Variants in FBXL7 observed in about 807,000 individuals in gnomAD.
FBXL7 encodes the protein F-box/LRR-repeat protein 7.
FBXL7 carries 12 observed loss-of-function variants against 38.3 expected under a neutral mutation model. The ratio of observed to expected loss-of-function variants is 0.31; its 90% confidence interval spans 0.20 to 0.51. FBXL7 has a LOEUF of 0.51. FBXL7 is among the 20% of genes least tolerant of loss of function. FBXL7 has a pLI of 0.98. For missense variants in FBXL7, 567 were observed against 676.4 expected (o/e 0.84, Z 1.79); for synonymous variants, 297 against 300.9 (o/e 0.99, Z 0.13).
chr5:15,569,998 T>G (rs1192008766), intron 1 of FBXL7, among the ~76,000 whole-genome samples: 1 of 152,192 alleles, frequency 6.6e-6, no homozygotes, highest in Non-Finnish European at 1.5e-5. Context: ...TTGCCAGTAT[T>G]TTATTGAGGA....
intron 2 of FBXL7, among the ~76,000 whole-genome samples, chr5:15,698,267 C>G (rs1276258661): frequency 1.3e-5 from 2 of 152,132 alleles, no homozygotes; most frequent in Non-Finnish European, 2.9e-5. Flanking sequence ...GGTACACATC[C>G]CATCCCAGTA....
chr5:15,764,453 G>A (rs1473889794), intron 2 of FBXL7, among the ~76,000 whole-genome samples: 1 of 152,156 alleles, frequency 6.6e-6, no homozygotes, highest in East Asian at 1.9e-4. Flanking sequence ...GCAGACAGGT[G>A]TAAAGAAGTA....
chr5:15,798,738 G>C (rs1038241858), intron 2 of FBXL7, among the ~76,000 whole-genome samples: 1 of 152,190 alleles, frequency 6.6e-6, no homozygotes, highest in East Asian at 1.9e-4. Context: ...ACAGTGACCT[G>C]AACAAATGCT....
intron 1 of FBXL7, among the ~76,000 whole-genome samples, chr5:15,609,626 G>A (rs1740156760): frequency 6.6e-6 from 1 of 152,158 alleles, no homozygotes; most frequent in Non-Finnish European, 1.5e-5. Context: ...CCACTGTGTT[G>A]ACTCCCTAAG....
intron 2 of FBXL7, among the ~76,000 whole-genome samples, chr5:15,632,019 G>T (rs745961302): frequency 2.6e-5 from 4 of 152,086 alleles, no homozygotes; most frequent in Non-Finnish European, 5.9e-5. Flanking sequence ...AAAGCTAAAG[G>T]CCGACTACTT....
intron 2 of FBXL7, among the ~76,000 whole-genome samples, chr5:15,924,475 A>AT: frequency 6.6e-6 from 1 of 151,910 alleles, no homozygotes; most frequent in Admixed American, 6.6e-5. Context: ...TGTGTAAAAA[A>AT]TCACCCCCAA....
At chr5:15,857,023 C>A (rs536554425) in intron 2 of FBXL7, among the ~76,000 whole-genome samples, 2 of 152,214 alleles carry the variant, frequency 1.3e-5, no homozygotes, top group Admixed American at 6.5e-5. Context: ...AGTATGAACC[C>A]ATTACATTAT....
At chr5:15,662,013 G>A (rs1043058837) in intron 2 of FBXL7, among the ~76,000 whole-genome samples, 2 of 152,140 alleles carry the variant, frequency 1.3e-5, no homozygotes, top group Non-Finnish European at 2.9e-5. Context: ...GTATCTTTAT[G>A]CTAGAATGAT....
rs1401114404 is a variant in FBXL7 at position 15,939,133 on chromosome 5, A to G, written c.*1947A>G. 1 of 398,844 alleles carries G rather than the reference A, an allele frequency of 2.5e-6. No homozygotes were observed. Among genetic ancestry groups the G allele is most frequent in the East Asian group, 3.6e-5 (1 of 28,070 alleles). 24.7% of individuals were successfully genotyped at this position (398,844 alleles called of 1,614,324 possible). A position where few individuals can be genotyped will look rare whatever the true frequency, so the allele number is the denominator to read the frequency against. ...GCCCAGGAGGTTTCTTTCAAACATC[A>G]TGGCCTCCCATCCAATCAACATCAT... On this transcript the variant is annotated 3_prime_UTR_variant, in exon 4 of 4. Transcript: ENST00000504595.
At chr5:15,889,976 A>T (rs1360699708) in intron 2 of FBXL7, among the ~76,000 whole-genome samples, 1 of 152,200 alleles carries the variant, frequency 6.6e-6, no homozygotes, top group African/African-American at 2.4e-5. Flanking sequence ...TCCTAACCGG[A>T]GGGAGATTTC....
At chr5:15,768,834 A>G (rs1736659130) in intron 2 of FBXL7, among the ~76,000 whole-genome samples, 1 of 152,204 alleles carries the variant, frequency 6.6e-6, no homozygotes, top group Non-Finnish European at 1.5e-5. Context: ...TGGACTACAC[A>G]GTAGAGATGG....
intron 1 of FBXL7, among the ~76,000 whole-genome samples, chr5:15,541,543 C>CTTT (rs1173509531): frequency 2.2e-5 from 2 of 91,346 alleles, no homozygotes; most frequent in African/African-American, 8.9e-5. Context: ...ACTCACTCCT[C>CTTT]TTTTTTTTTT....
chr5:15,710,742 T>G (rs191008459), intron 2 of FBXL7, among the ~76,000 whole-genome samples: 55 of 152,304 alleles, frequency 3.6e-4, no homozygotes, highest in African/African-American at 1.3e-3. Flanking sequence ...TTTCTAGGGC[T>G]GCCATAACAA....
At chr5:15,754,301 A>C (rs1387121161) in intron 2 of FBXL7, among the ~76,000 whole-genome samples, 4 of 152,182 alleles carry the variant, frequency 2.6e-5, no homozygotes, top group African/African-American at 4.8e-5. Context: ...CTACGAGTAG[A>C]ACTGAATAAG....
At chr5:15,595,078 G>A (rs759432740) in intron 1 of FBXL7, among the ~76,000 whole-genome samples, 6 of 152,106 alleles carry the variant, frequency 3.9e-5, no homozygotes, top group Non-Finnish European at 7.4e-5. Flanking sequence ...TAGTCTTTTC[G>A]CCAGCTGCAG....
At chr5:15,583,297 A>G (rs1458073378) in intron 1 of FBXL7, among the ~76,000 whole-genome samples, 2 of 152,180 alleles carry the variant, frequency 1.3e-5, no homozygotes, top group Non-Finnish European at 2.9e-5. Flanking sequence ...GGATGGGGAC[A>G]CAGAACCAAA....
At chr5:15,516,537 T>C (rs568646896) in intron 1 of FBXL7, among the ~76,000 whole-genome samples, 6 of 152,370 alleles carry the variant, frequency 3.9e-5, no homozygotes, top group Admixed American at 3.9e-4. Context: ...TAGGTATCCA[T>C]GTACCAGAGT....
intron 2 of FBXL7, among the ~76,000 whole-genome samples, chr5:15,628,971 T>C: frequency 6.6e-6 from 1 of 152,048 alleles, no homozygotes; most frequent in Non-Finnish European, 1.5e-5. Context: ...TCAGAGCATC[T>C]GGGTTCTTTT....
chr5:15,645,316 C>T (rs980871138), intron 2 of FBXL7, among the ~76,000 whole-genome samples: 1 of 152,030 alleles, frequency 6.6e-6, no homozygotes, highest in Non-Finnish European at 1.5e-5. Context: ...TCAAAGTCAC[C>T]CCTCTGCTCA....
Sources: gnomAD v4.1 joint callset for allele counts (sites outside exome capture counted in the v4.1 genomes callset) on GRCh38, gnomAD v4.1.1 for gene constraint, MANE v1.5 for transcripts, NCBI Gene and HGNC (gene_info 2026-07-23, HGNC 2026-07-21) for gene names.